The following SEC63 variants were observed in gnomAD, a reference collection of about 807,000 sequenced individuals.
SEC63 encodes the protein SEC63 protein translocation regulator.
A neutral mutation model predicts 116.2 loss-of-function variants in SEC63; 56 were observed. The ratio of observed to expected loss-of-function variants is 0.48; its 90% confidence interval spans 0.39 to 0.60. SEC63 has a LOEUF of 0.60. SEC63 is among the 20% of genes least tolerant of loss of function. The pLI, the probability that SEC63 is intolerant of heterozygous loss-of-function variation, is 0.00. For synonymous variants in SEC63, 273 were observed against 294.6 expected (o/e 0.93, Z 0.75); for missense variants, 668 against 900.0 (o/e 0.74, Z 3.30).
intron 17 of SEC63, among the ~76,000 whole-genome samples, chr6:107,882,433 G>T (rs148832357): frequency 1.3e-5 from 2 of 152,074 alleles, no homozygotes; most frequent in East Asian, 3.9e-4. Flanking sequence ...TCTCCTATAC[G>T]CTATACTTTT....
chr6:107,871,687 T>G lies in SEC63; in HGVS notation c.*17A>C. 6.2e-7 allele frequency: 1 copy of G among 1,611,642 alleles called. No homozygotes were observed. Among genetic ancestry groups the G allele is most frequent in the Non-Finnish European group, 8.5e-7 (1 of 1,179,530 alleles). On this transcript the variant is annotated 3_prime_UTR_variant, in exon 21 of 21. Transcript: ENST00000369002. Reference sequence around the variant, plus strand: ...TTGCAAATATGTGCAAACACTGTGGTCCATTCAGAGTACTGCTTAGTCATC... The same window carrying G: ...TTGCAAATATGTGCAAACACTGTGGGCCATTCAGAGTACTGCTTAGTCATC...
At chr6:107,902,724 T>G in intron 12 of SEC63, 120 bp downstream of exon 12, 1 of 949,662 alleles carries the variant, frequency 1.1e-6, no homozygotes, top group Non-Finnish European at 1.7e-6. Context: ...TTTTAGAGTA[T>G]TTAAGACATT....
intron 18 of SEC63, among the ~76,000 whole-genome samples, chr6:107,880,581 G>A (rs537889909): frequency 1.8e-4 from 27 of 152,250 alleles, no homozygotes; most frequent in African/African-American, 6.0e-4. Flanking sequence ...TCCTGAGCCC[G>A]GGGCTCAGTT....
intron 14 of SEC63, among the ~76,000 whole-genome samples, chr6:107,896,361 G>A (rs1425603465): frequency 6.6e-6 from 1 of 152,054 alleles, no homozygotes; most frequent in Non-Finnish European, 1.5e-5. Flanking sequence ...CTACTAGAGA[G>A]AGACTGAGGC....
intron 1 of SEC63, among the ~76,000 whole-genome samples, chr6:107,952,433 G>A (rs1770599152): frequency 1.3e-5 from 2 of 151,956 alleles, no homozygotes; most frequent in Non-Finnish European, 2.9e-5. Flanking sequence ...ATGTGTTGCA[G>A]AAAACACACA....
chr6:107,947,324 ACACT>A (rs920259439), intron 1 of SEC63, among the ~76,000 whole-genome samples: 1 of 151,990 alleles, frequency 6.6e-6, no homozygotes, highest in South Asian at 2.1e-4. Context: ...AAAAACAAAA[ACACT>A]CACTATCGGA....
rs185489026 is a variant in SEC63, at chr6:107,940,638, C to T, written c.125-11124G>A. On this transcript the variant is annotated intron_variant, in intron 1 of 20. Coordinates refer to ENST00000369002, the MANE Select transcript of SEC63 (RefSeq NM_007214.5). ...GCGCGCACACATACACATACACAGGCACACACACACAGCTACAGACGGTAC... is the reference window on the plus strand; with the variant it reads ...GCGCGCACACATACACATACACAGGTACACACACACAGCTACAGACGGTAC... Among the ~76,000 whole-genome samples, 478 of 151,912 alleles carry T rather than the reference C, an allele frequency of 3.1e-3. 4 individuals are homozygous for T. Among genetic ancestry groups the T allele is most frequent in the African/African-American group, 0.011 (465 of 41,396 alleles).
chr6:107,883,296 T>C, intron 16 of SEC63, 150 bp from the exon 17 acceptor site: 1 of 880,976 alleles, frequency 1.1e-6, no homozygotes, highest in African/African-American at 1.7e-5. Context: ...TTATAAACAT[T>C]CCTACTTATA....
intron 2 of SEC63, among the ~76,000 whole-genome samples, chr6:107,925,620 AT>A (rs1787658166): frequency 6.6e-6 from 1 of 152,216 alleles, no homozygotes; most frequent in Non-Finnish European, 1.5e-5. Context: ...AAAGATTAAC[AT>A]TACCAGCACT....
chr6:107,927,256 G>A (rs1181661867), intron 2 of SEC63, among the ~76,000 whole-genome samples: 1 of 152,036 alleles, frequency 6.6e-6, no homozygotes, highest in Non-Finnish European at 1.5e-5. Context: ...AGTAGAGACA[G>A]GGTTTCACTA....
chr6:107,870,994 G>A lies in SEC63; in HGVS notation c.*710C>T, dbSNP rs940338874. 1 of 152,668 alleles carries A rather than the reference G, an allele frequency of 6.6e-6. No homozygotes were observed. Among genetic ancestry groups the A allele is most frequent in the African/African-American group, 2.4e-5 (1 of 41,412 alleles). The allele number at this position is 152,668 out of a possible 1,614,324, so 9.5% of individuals were successfully genotyped here. A position where few individuals can be genotyped will look rare whatever the true frequency, so the allele number is the denominator to read the frequency against. ...AGTCCCACTATCACTTTTAGAGCTA[G>A]AACTTATCAAAAGAATTAGATCCTG... is the stretch of plus-strand genomic sequence containing the variant. On this transcript the variant is annotated 3_prime_UTR_variant, in exon 21 of 21. Transcript: ENST00000369002.
chr6:107,882,929 A>C, intron 17 of SEC63, 59 bp downstream of exon 17: 1 of 1,164,242 alleles, frequency 8.6e-7, no homozygotes, highest in South Asian at 1.3e-5. Context: ...ACAAAACCCA[A>C]AGCTATCATC....
intron 1 of SEC63, among the ~76,000 whole-genome samples, chr6:107,952,592 T>C (rs1371860470): frequency 6.6e-6 from 1 of 151,630 alleles, no homozygotes; most frequent in Non-Finnish European, 1.5e-5. Flanking sequence ...ACTCTGTCTC[T>C]ACTAAAAATA....
At chr6:107,910,410 G>A (rs1787249199) in intron 7 of SEC63, among the ~76,000 whole-genome samples, 1 of 152,102 alleles carries the variant, frequency 6.6e-6, no homozygotes, top group Admixed American at 6.5e-5. Context: ...AGAGGCTGCA[G>A]AGAGCCATGT....
At position 107,868,871 on chromosome 6, in the gene SEC63, T is replaced by G. The variant is rs886060942; in HGVS notation, c.*2833A>C. 6.6e-6 allele frequency: 1 copy of G among 152,202 alleles called. No homozygotes were observed. Among genetic ancestry groups the G allele is most frequent in the East Asian group, 1.9e-4 (1 of 5,196 alleles). The allele number at this position is 152,202 out of a possible 1,614,324, so 9.4% of individuals were successfully genotyped here. A position where few individuals can be genotyped will look rare whatever the true frequency, so the allele number is the denominator to read the frequency against. The stretch of plus-strand genomic sequence containing the variant: ...ATGAATGACAACCTCTCAAAAATTA[T>G]GTAAGGTGCTGAATTACATTTGAAA... On this transcript the variant is annotated 3_prime_UTR_variant, in exon 21 of 21. Coordinates refer to ENST00000369002, the MANE Select transcript of SEC63 (RefSeq NM_007214.5).
chr6:107,878,703 AC>A (rs1786337216), intron 18 of SEC63, among the ~76,000 whole-genome samples: 1 of 152,132 alleles, frequency 6.6e-6, no homozygotes. Context: ...TAAAAATACA[AC>A]ATCAGCTGGG....
chr6:107,937,606 T>C (rs185639250), intron 1 of SEC63, among the ~76,000 whole-genome samples: 1 of 152,342 alleles, frequency 6.6e-6, no homozygotes, highest in Admixed American at 6.5e-5. Context: ...CTCAGTTCTT[T>C]GAGAAATCTG....
chr6:107,902,285 T>C (rs1365494612), intron 12 of SEC63, among the ~76,000 whole-genome samples: 1 of 151,720 alleles, frequency 6.6e-6, no homozygotes, highest in Non-Finnish European at 1.5e-5. Context: ...TCAAATCCAA[T>C]GTCTATTCTC....
intron 1 of SEC63, among the ~76,000 whole-genome samples, chr6:107,938,604 C>T (rs1007367010): frequency 1.3e-5 from 2 of 150,672 alleles, no homozygotes; most frequent in Non-Finnish European, 2.9e-5. Context: ...ACTCTGTCAC[C>T]CAGGCTGGAG....
Sources: allele counts gnomAD v4.1 joint callset (sites outside exome capture counted in the v4.1 genomes callset), GRCh38; gene constraint gnomAD v4.1.1; transcripts MANE v1.5; gene names NCBI Gene and HGNC (gene_info 2026-07-23, HGNC 2026-07-21).